MYOM1: variants seen among roughly 807,000 people sequenced by gnomAD.
MYOM1 encodes the protein myomesin 1.
MYOM1 carries 164 observed loss-of-function variants against 205.3 expected under a neutral mutation model. The observed-to-expected ratio is 0.80, with a 90% CI of 0.70 to 0.91. The LOEUF (loss-of-function observed/expected upper bound fraction) is 0.91. MYOM1 is among the 40% of genes least tolerant of loss of function. The pLI is 0.00. For synonymous variants in MYOM1, 772 were observed against 789.4 expected, an observed-to-expected ratio of 0.98 and a Z score of 0.37; for missense variants, 2,011 against 2,127.3, an observed-to-expected ratio of 0.95 and a Z score of 1.08.
chr18:3,211,705 C>G (rs529491084), intron 2 of MYOM1, among the ~76,000 whole-genome samples: 1 of 152,148 alleles, frequency 6.6e-6, no homozygotes, highest in Non-Finnish European at 1.5e-5. Flanking sequence ...CTTTATAGCT[C>G]GTGGCTCAGA....
intron 2 of MYOM1, among the ~76,000 whole-genome samples, chr18:3,207,146 A>C (rs892780048): frequency 1.3e-5 from 2 of 152,186 alleles, no homozygotes; most frequent in African/African-American, 4.8e-5. Flanking sequence ...GTGTATAGCC[A>C]TGATATAAAA....
chr18:3,167,444 C>T lies in MYOM1; in HGVS notation c.1339+1373G>A, dbSNP rs544022492. Among the ~76,000 whole-genome samples, 26 of 152,308 alleles carry T rather than the reference C, an allele frequency of 1.7e-4. No individual in the cohort carries two copies. In the South Asian group the frequency reaches 5.0e-3, roughly 29 times the overall value. ...TATAGCCCAGGCTGGAGTGCAATGG[C>T]GCAATCTTGGTTCACTGCAACTTCT... On this transcript the variant is annotated intron_variant, in intron 9 of 37. Coordinates refer to ENST00000356443, the MANE Select transcript of MYOM1 (RefSeq NM_003803.4).
intron 27 of MYOM1, among the ~76,000 whole-genome samples, chr18:3,090,216 T>C (rs1423723882): frequency 9.0e-6 from 1 of 110,552 alleles, no homozygotes; most frequent in Non-Finnish European, 1.9e-5. Flanking sequence ...CTGAAAACTG[T>C]ATTTTTTTTT....
intron 13 of MYOM1, among the ~76,000 whole-genome samples, chr18:3,148,839 C>CTGT (rs2080172308): frequency 5.9e-5 from 6 of 102,210 alleles, no homozygotes; most frequent in African/African-American, 2.6e-4. Context: ...GAGCGAGACT[C>CTGT]CATCCAAAAA....
At chr18:3,074,123 T>A (rs1233760165) in intron 36 of MYOM1, among the ~76,000 whole-genome samples, 2 of 152,212 alleles carry the variant, frequency 1.3e-5, no homozygotes, top group Non-Finnish European at 2.9e-5. Context: ...TTCAAGAATC[T>A]GGAAAGACAG....
chr18:3,174,263 T>C, intron 6 of MYOM1, 55 bp from the exon 7 acceptor site: 1 of 1,466,860 alleles, frequency 6.8e-7, no homozygotes, highest in East Asian at 2.3e-5. Flanking sequence ...TTGTAATTAC[T>C]AGCTGTTCTA....
At chr18:3,201,083 C>T (rs949440524) in intron 2 of MYOM1, among the ~76,000 whole-genome samples, 36 of 152,130 alleles carry the variant, frequency 2.4e-4, no homozygotes, top group African/African-American at 8.4e-4. Flanking sequence ...TATTTAAGTG[C>T]TGAAAAACAA....
intron 9 of MYOM1, among the ~76,000 whole-genome samples, chr18:3,167,397 G>C (rs955004975): frequency 1.3e-5 from 2 of 152,074 alleles, no homozygotes; most frequent in African/African-American, 4.8e-5. Flanking sequence ...GTTTTGTTTT[G>C]TTTTGAGATG....
intron 29 of MYOM1, among the ~76,000 whole-genome samples, chr18:3,088,788 G>A (rs1036969863): frequency 6.6e-6 from 1 of 152,138 alleles, no homozygotes; most frequent in South Asian, 2.1e-4. Context: ...GGGTATTGTT[G>A]CACCAGCCTC....
At chr18:3,077,738 C>A (rs2079035821) in intron 34 of MYOM1, among the ~76,000 whole-genome samples, 1 of 152,198 alleles carries the variant, frequency 6.6e-6, no homozygotes, top group Admixed American at 6.5e-5. Flanking sequence ...ATTTTCCACC[C>A]ACTGACTGCC....
At chr18:3,069,590 T>A (rs1327308814) in intron 37 of MYOM1, among the ~76,000 whole-genome samples, 1 of 152,226 alleles carries the variant, frequency 6.6e-6, no homozygotes, top group Non-Finnish European at 1.5e-5. Context: ...AGTCCAATTA[T>A]TATCCTTAAA....
intron 14 of MYOM1, among the ~76,000 whole-genome samples, chr18:3,136,242 C>G (rs970881033): frequency 6.6e-6 from 1 of 152,072 alleles, no homozygotes; most frequent in African/African-American, 2.4e-5. Context: ...ATTACCCAGT[C>G]TCTGGTATGT....
At chr18:3,212,423 A>G (rs2081201960) in intron 2 of MYOM1, among the ~76,000 whole-genome samples, 1 of 152,212 alleles carries the variant, frequency 6.6e-6, no homozygotes, top group African/African-American at 2.4e-5. Context: ...AATTTGCTCA[A>G]AGGTTTAATT....
intron 32 of MYOM1, 39 bp downstream of exon 32, chr18:3,083,950 A>T (rs2079120055): frequency 6.3e-7 from 1 of 1,582,164 alleles, no homozygotes; most frequent in South Asian, 1.2e-5. Flanking sequence ...TGGCAGGAGG[A>T]TCATAAAGCA....
chr18:3,139,442 T>C (rs1403793219), intron 14 of MYOM1, among the ~76,000 whole-genome samples: 3 of 152,140 alleles, frequency 2.0e-5, no homozygotes, highest in African/African-American at 7.2e-5. Context: ...TTTCACCCAT[T>C]CCAGGGATCA....
chr18:3,201,125 G>A (rs564900798), intron 2 of MYOM1, among the ~76,000 whole-genome samples: 24 of 152,296 alleles, frequency 1.6e-4, no homozygotes, highest in East Asian at 1.4e-3. Flanking sequence ...CTGGCCGGGC[G>A]CAGTGGCTCA....
At chr18:3,119,742 C>G (rs1033487248) in intron 20 of MYOM1, 127 bp downstream of exon 20, 4 of 1,217,602 alleles carry the variant, frequency 3.3e-6, no homozygotes, top group Non-Finnish European at 3.3e-6. Flanking sequence ...TAGGTAAACA[C>G]AAGGGGCCAA....
intron 17 of MYOM1, 31 bp downstream of exon 17, chr18:3,131,344 T>TC: frequency 6.2e-7 from 1 of 1,607,388 alleles, no homozygotes. Flanking sequence ...AATCCATTTT[T>TC]CCCCCATACA....
intron 19 of MYOM1, among the ~76,000 whole-genome samples, chr18:3,124,567 G>A (rs1344032745): frequency 6.6e-6 from 1 of 151,780 alleles, no homozygotes; most frequent in Non-Finnish European, 1.5e-5. Flanking sequence ...CTGACCTCAT[G>A]ATCCACCTGC....
Sources: gnomAD v4.1 joint callset for allele counts (sites outside exome capture counted in the v4.1 genomes callset) on GRCh38, gnomAD v4.1.1 for gene constraint, MANE v1.5 for transcripts, NCBI Gene and HGNC (gene_info 2026-07-23, HGNC 2026-07-21) for gene names.